Variants in IGF1R observed in about 807,000 individuals in gnomAD.
The protein encoded by IGF1R is insulin-like growth factor 1 receptor.
Under a neutral mutation model 144.6 loss-of-function variants are expected in IGF1R, and 44 were observed. The observed-to-expected ratio is 0.30, with a 90% CI of 0.24 to 0.39. The LOEUF (loss-of-function observed/expected upper bound fraction) is 0.39, where lower values mean the gene tolerates loss of function less well. Among genes scored for constraint, IGF1R ranks in the 10% least tolerant of loss-of-function variants. IGF1R has a pLI of 1.00. For synonymous variants in IGF1R, 795 were observed against 722.8 expected, an observed-to-expected ratio of 1.10 and a Z score of -1.60; for missense variants, 1,355 against 1,833.7, an observed-to-expected ratio of 0.74 and a Z score of 4.77.
At chr15:98,686,465 A>C (rs962905451) in intron 1 of IGF1R, among the ~76,000 whole-genome samples, 10 of 152,114 alleles carry the variant, frequency 6.6e-5, no homozygotes, top group Admixed American at 2.6e-4. Flanking sequence ...TGGCAGTTCT[A>C]TTTTTAATTT....
intron 2 of IGF1R, among the ~76,000 whole-genome samples, chr15:98,814,191 G>T (rs1211035029): frequency 6.6e-6 from 1 of 152,096 alleles, no homozygotes; most frequent in African/African-American, 2.4e-5. Flanking sequence ...AGATCCTGTT[G>T]CAAAACCAAG....
At chr15:98,744,255 T>C (rs2054813214) in intron 2 of IGF1R, among the ~76,000 whole-genome samples, 1 of 151,704 alleles carries the variant, frequency 6.6e-6, no homozygotes, top group Non-Finnish European at 1.5e-5. Flanking sequence ...GAGGAAAGCA[T>C]GCGAGTGTGA....
At chr15:98,711,676 C>G (rs182614789) in intron 2 of IGF1R, among the ~76,000 whole-genome samples, 2 of 152,166 alleles carry the variant, frequency 1.3e-5, no homozygotes, top group Non-Finnish European at 1.5e-5. Context: ...TGTCTTCCAA[C>G]GCCACCCTCT....
intron 2 of IGF1R, among the ~76,000 whole-genome samples, chr15:98,808,496 G>A (rs2056513612): frequency 6.6e-6 from 1 of 152,126 alleles, no homozygotes; most frequent in Middle Eastern, 3.4e-3. Context: ...TGGCATATAG[G>A]GGCTTAAAAG....
intron 2 of IGF1R, among the ~76,000 whole-genome samples, chr15:98,739,894 C>T (rs192512169): frequency 1.3e-5 from 2 of 152,288 alleles, no homozygotes; most frequent in East Asian, 1.9e-4. Context: ...GCCTGGCCTG[C>T]TGTAAGAAAA....
intron 2 of IGF1R, among the ~76,000 whole-genome samples, chr15:98,881,446 G>A (rs1429061084): frequency 2.0e-5 from 3 of 152,164 alleles, no homozygotes; most frequent in Non-Finnish European, 4.4e-5. Context: ...TCGGCCTCCC[G>A]AGTAGCTAGG....
At chr15:98,805,503 GGT>G (rs58675410) in intron 2 of IGF1R, among the ~76,000 whole-genome samples, 14 of 149,930 alleles carry the variant, frequency 9.3e-5, no homozygotes, top group African/African-American at 2.0e-4. Context: ...GTGTGTGTAT[GGT>G]GTGTGTGTGT....
chr15:98,657,391 C>T (rs1170723236), intron 1 of IGF1R, among the ~76,000 whole-genome samples: 1 of 152,202 alleles, frequency 6.6e-6, no homozygotes, highest in Non-Finnish European at 1.5e-5. Context: ...GCTATTAATT[C>T]TGTCTAGATT....
chr15:98,855,607 G>C (rs1567163467), intron 2 of IGF1R, among the ~76,000 whole-genome samples: 1 of 152,160 alleles, frequency 6.6e-6, no homozygotes, highest in Non-Finnish European at 1.5e-5. Flanking sequence ...CGCTTGGCAA[G>C]CCCTTGACAA....
intron 2 of IGF1R, among the ~76,000 whole-genome samples, chr15:98,750,699 T>C (rs2054989363): frequency 6.6e-6 from 1 of 152,166 alleles, no homozygotes; most frequent in African/African-American, 2.4e-5. Context: ...GGTTAAAAAT[T>C]TGTCTCTAAG....
intron 2 of IGF1R, among the ~76,000 whole-genome samples, chr15:98,823,715 C>T (rs2056841926): frequency 6.6e-6 from 1 of 152,152 alleles, no homozygotes; most frequent in South Asian, 2.1e-4. Context: ...ATTCACAGTG[C>T]TTAGTAACCA....
At chr15:98,876,040 A>G (rs2013044499) in intron 2 of IGF1R, among the ~76,000 whole-genome samples, 2 of 152,276 alleles carry the variant, frequency 1.3e-5, no homozygotes, top group South Asian at 4.1e-4. Context: ...AAAATAATTC[A>G]CTTTACAATT....
At chr15:98,711,512 G>A (rs1002698650) in intron 2 of IGF1R, among the ~76,000 whole-genome samples, 2 of 151,960 alleles carry the variant, frequency 1.3e-5, no homozygotes, top group African/African-American at 4.8e-5. Flanking sequence ...TGTATTTCTC[G>A]GTTCTTTTTG....
intron 2 of IGF1R, among the ~76,000 whole-genome samples, chr15:98,790,042 T>A (rs1417872720): frequency 2.6e-5 from 4 of 152,140 alleles, no homozygotes; most frequent in Non-Finnish European, 4.4e-5. Context: ...TCCGGAGGAT[T>A]TCTGTGAAGG....
At chr15:98,714,273 G>A (rs567708813) in intron 2 of IGF1R, among the ~76,000 whole-genome samples, 4 of 152,080 alleles carry the variant, frequency 2.6e-5, no homozygotes, top group South Asian at 2.1e-4. Context: ...GAGTAGAGGC[G>A]CTCTCCTTCC....
chr15:98,699,872 C>T (rs2053684028), intron 1 of IGF1R, among the ~76,000 whole-genome samples: 1 of 152,166 alleles, frequency 6.6e-6, no homozygotes, highest in Admixed American at 6.5e-5. Flanking sequence ...TTTCTGTTCT[C>T]AGAGTTTCCT....
At chr15:98,757,355 G>A (rs1311620783) in intron 2 of IGF1R, among the ~76,000 whole-genome samples, 1 of 151,960 alleles carries the variant, frequency 6.6e-6, no homozygotes, top group Non-Finnish European at 1.5e-5. Flanking sequence ...GTAGAGATGA[G>A]GTCTCACTAT....
At chr15:98,911,835 C>T (rs1048214030) in intron 7 of IGF1R, among the ~76,000 whole-genome samples, 1 of 152,194 alleles carries the variant, frequency 6.6e-6, no homozygotes, top group African/African-American at 2.4e-5. Context: ...TCCAGGAACA[C>T]CCTGCAGGCA....
At chr15:98,689,337 C>G (rs1263074973) in intron 1 of IGF1R, among the ~76,000 whole-genome samples, 3 of 148,304 alleles carry the variant, frequency 2.0e-5, no homozygotes, top group Admixed American at 1.4e-4. Context: ...CTCCCAGGTT[C>G]AAGCAGTTCT....
Sources: gnomAD v4.1 joint callset for allele counts (sites outside exome capture counted in the v4.1 genomes callset) on GRCh38, gnomAD v4.1.1 for gene constraint, MANE v1.5 for transcripts, NCBI Gene and HGNC (gene_info 2026-07-23, HGNC 2026-07-21) for gene names.